Variants in STIM1 observed in about 807,000 individuals in gnomAD.
STIM1 encodes stromal interaction molecule 1.
A neutral mutation model predicts 74.7 loss-of-function variants in STIM1; 25 were observed. The ratio of observed to expected loss-of-function variants is 0.33; its 90% CI spans 0.24 to 0.47. The LOEUF (loss-of-function observed/expected upper bound fraction) is 0.47, where lower values mean the gene tolerates loss of function less well. Among genes scored for constraint, STIM1 ranks in the 20% least tolerant of loss-of-function variants. The probability of loss-of-function intolerance (pLI) is 1.00; values close to 1 mark genes in which losing one functional copy is unlikely to be tolerated. For missense variants in STIM1, 728 were observed against 920.8 expected (o/e 0.79, Z 2.71); for synonymous variants, 328 against 348.8 (o/e 0.94, Z 0.66).
chr11:3,900,131 G>A (rs1222541981), intron 1 of STIM1, among the ~76,000 whole-genome samples: 3 of 152,142 alleles, frequency 2.0e-5, no homozygotes, highest in African/African-American at 7.2e-5. Context: ...AGCAAGCCTG[G>A]GCAATGGCAG....
intron 1 of STIM1, among the ~76,000 whole-genome samples, chr11:3,963,975 T>C (rs945945165): frequency 1.3e-5 from 2 of 152,194 alleles, no homozygotes; most frequent in African/African-American, 4.8e-5. Flanking sequence ...AGAAGGATAC[T>C]TCAAATGTAT....
At chr11:4,045,768 T>A (rs2094187088) in intron 3 of STIM1, among the ~76,000 whole-genome samples, 1 of 146,874 alleles carries the variant, frequency 6.8e-6, no homozygotes, top group African/African-American at 2.5e-5. Flanking sequence ...ACTTCTTTTT[T>A]TTTTTTTTTT....
intron 12 of STIM1, among the ~76,000 whole-genome samples, chr11:4,090,531 T>C (rs567533224): frequency 7.2e-5 from 11 of 152,252 alleles, no homozygotes; most frequent in Middle Eastern, 3.4e-3. Flanking sequence ...CCTTTTGGGG[T>C]GGGTGAAGGA....
At chr11:3,953,785 T>C (rs1183999865) in intron 1 of STIM1, among the ~76,000 whole-genome samples, 1 of 123,050 alleles carries the variant, frequency 8.1e-6, no homozygotes, top group Non-Finnish European at 1.6e-5. Flanking sequence ...TTCTTCTTTC[T>C]TTTTTTTTTT....
chr11:3,998,378 A>G (rs1307195490), intron 2 of STIM1, among the ~76,000 whole-genome samples: 2 of 152,190 alleles, frequency 1.3e-5, no homozygotes, highest in African/African-American at 4.8e-5. Context: ...TTTCTTTTAG[A>G]TAGGCTGACA....
rs1434837604 is a variant in STIM1, at chr11:3,856,133, C to G, written c.-138C>G. The G allele has an allele frequency of 8.5e-7, 1 of 1,173,352 alleles. No homozygotes were observed. The highest frequency in any genetic ancestry group is 1.2e-6 in the Non-Finnish European group (1 of 805,802). 72.7% of individuals were successfully genotyped at this position (1,173,352 alleles called of 1,614,324 possible). A position where few individuals can be genotyped will look rare whatever the true frequency, so the allele number is the denominator to read the frequency against. On this transcript the variant is annotated 5_prime_UTR_variant, in exon 1 of 13. Coordinates refer to ENST00000526596, the MANE Select transcript of STIM1 (RefSeq NM_001382567.1). ...ACCTTTGGCTGTTGGAGGGGGCAGG[C>G]TCGCGGGTGGCTGGACAGCTGCGGA...
chr11:3,904,840 G>A (rs1002663477), intron 1 of STIM1, among the ~76,000 whole-genome samples: 1 of 152,174 alleles, frequency 6.6e-6, no homozygotes, highest in East Asian at 1.9e-4. Flanking sequence ...AAAATATCTG[G>A]TAGTTGGGGG....
At position 4,023,996 on chromosome 11, in the gene STIM1, C is replaced by A. The variant is rs1279864961; in HGVS notation, c.385+9C>A. 1.9e-6 allele frequency: 3 copies of A among 1,606,736 alleles called. No individual in the cohort carries two copies. Among genetic ancestry groups the A allele is most frequent in the African/African-American group, 1.3e-5 (1 of 74,802 alleles). ...ATGGAAGTCATCAGAAGGTAATAGG[C>A]AGCCTGGTCATCAATCCTAGTTGTG... On this transcript the variant is annotated intron_variant, in intron 3 of 12. Coordinates refer to ENST00000526596, the MANE Select transcript of STIM1 (RefSeq NM_001382567.1).
At chr11:3,894,117 T>G (rs2091983340) in intron 1 of STIM1, among the ~76,000 whole-genome samples, 1 of 152,134 alleles carries the variant, frequency 6.6e-6, no homozygotes, top group Non-Finnish European at 1.5e-5. Context: ...TGTTTAAAAA[T>G]AAGTCTTGGA....
At chr11:3,975,932 G>T (rs2093443507) in intron 2 of STIM1, among the ~76,000 whole-genome samples, 1 of 152,212 alleles carries the variant, frequency 6.6e-6, no homozygotes, top group South Asian at 2.1e-4. Flanking sequence ...AAGTTTCACA[G>T]TTTCTTACAA....
intron 2 of STIM1, among the ~76,000 whole-genome samples, chr11:3,991,950 C>CA (rs1230185435): frequency 5.7e-3 from 208 of 36,492 alleles, no homozygotes; most frequent in Middle Eastern, 0.014. Context: ...AACTCCATCT[C>CA]AAAAAAAAAA....
intron 2 of STIM1, among the ~76,000 whole-genome samples, chr11:3,985,897 A>G (rs1308373192): frequency 1.3e-5 from 2 of 152,204 alleles, no homozygotes; most frequent in East Asian, 3.8e-4. Context: ...CATAGCATTA[A>G]GAAGAATTGT....
At chr11:3,983,935 C>T (rs1237248195) in intron 2 of STIM1, among the ~76,000 whole-genome samples, 8 of 151,710 alleles carry the variant, frequency 5.3e-5, no homozygotes, top group African/African-American at 1.7e-4. Flanking sequence ...GGCACAGTCT[C>T]GGCTCACTGC....
intron 1 of STIM1, among the ~76,000 whole-genome samples, chr11:3,945,572 C>T (rs2093062567): frequency 6.6e-6 from 1 of 152,114 alleles, no homozygotes; most frequent in African/African-American, 2.4e-5. Flanking sequence ...GCACTCCAGC[C>T]TGGGCGACAC....
At chr11:3,974,731 G>T (rs2093430013) in intron 2 of STIM1, among the ~76,000 whole-genome samples, 1 of 152,040 alleles carries the variant, frequency 6.6e-6, no homozygotes, top group Admixed American at 6.6e-5. Context: ...TGCCCTTCTT[G>T]CAGAGCTGGC....
chr11:4,007,726 C>G (rs1030212812), intron 2 of STIM1, among the ~76,000 whole-genome samples: 3 of 152,166 alleles, frequency 2.0e-5, no homozygotes, highest in African/African-American at 7.2e-5. Context: ...AAACTCAGTA[C>G]TTTAGTGTAC....
intron 2 of STIM1, among the ~76,000 whole-genome samples, chr11:3,998,479 C>A (rs563924651): frequency 1.4e-4 from 21 of 152,286 alleles, no homozygotes; most frequent in African/African-American, 5.1e-4. Flanking sequence ...TGTTATAGGA[C>A]AAACTCGAGA....
At chr11:4,030,585 A>G (rs2094041887) in intron 3 of STIM1, among the ~76,000 whole-genome samples, 2 of 152,336 alleles carry the variant, frequency 1.3e-5, no homozygotes, top group South Asian at 4.1e-4. Context: ...AAAACCTCAG[A>G]CATTAGTTGT....
intron 2 of STIM1, among the ~76,000 whole-genome samples, chr11:4,003,944 T>C (rs904611744): frequency 1.3e-5 from 2 of 152,042 alleles, no homozygotes; most frequent in Admixed American, 6.6e-5. Context: ...TATACACCAA[T>C]AACAGACAAA....
Sources: gnomAD v4.1 joint callset for allele counts (sites outside exome capture counted in the v4.1 genomes callset) on GRCh38, gnomAD v4.1.1 for gene constraint, MANE v1.5 for transcripts, NCBI Gene and HGNC (gene_info 2026-07-23, HGNC 2026-07-21) for gene names.